ZNF565: variants seen among roughly 807,000 people sequenced by gnomAD.
The protein encoded by ZNF565 is zinc finger protein 565.
Under a neutral mutation model 39.4 loss-of-function variants are expected in ZNF565, and 27 were observed. The observed-to-expected ratio is 0.69, with a 90% CI of 0.51 to 0.95. The LOEUF (loss-of-function observed/expected upper bound fraction) is 0.95. ZNF565 is among the 40% of genes least tolerant of loss of function. ZNF565 has a pLI of 0.00. For synonymous variants in ZNF565, 185 were observed against 216.6 expected (o/e 0.85, Z 1.28); for missense variants, 524 against 621.1 (o/e 0.84, Z 1.66).
rs142385306 is a variant in ZNF565 at position 36,229,047 on chromosome 19, C to T, written c.55+16429G>A. On this transcript the variant is annotated intron_variant, in intron 1 of 4. Coordinates refer to the ZNF565 transcript ENST00000355114. Reference sequence around the variant, plus strand: ...GCCCCTCCTGTTGCTGTTCTGATGTCAGCCTTCCTGCTTCGTCTGTGCCGC... The same window carrying T: ...GCCCCTCCTGTTGCTGTTCTGATGTTAGCCTTCCTGCTTCGTCTGTGCCGC... Among the ~76,000 whole-genome samples the T allele has an allele frequency of 1.2e-3, 182 of 152,360 alleles. 2 individuals are homozygous for T. Among genetic ancestry groups the T allele is most frequent in the Middle Eastern group, 3.4e-3 (1 of 294 alleles).
intron 1 of ZNF565, among the ~76,000 whole-genome samples, chr19:36,231,992 C>T (rs529958189): frequency 1.3e-5 from 2 of 151,842 alleles, no homozygotes; most frequent in Admixed American, 1.3e-4. Flanking sequence ...CACCTGAGGT[C>T]AAGAGTTTGA....
intron 1 of ZNF565, chr19:36,236,412 C>T (rs780219995): frequency 1.9e-6 from 3 of 1,562,330 alleles, no homozygotes; most frequent in Non-Finnish European, 2.6e-6. Context: ...GGAGAGAAAC[C>T]TTGTGAATGT....
Position 36,192,985 on chromosome 19 carries a change from T to A in ZNF565, c.232+1248A>T, listed in dbSNP as rs1355088663. On this transcript the variant is annotated intron_variant, in intron 4 of 4. Coordinates refer to ENST00000304116, the MANE Select transcript of ZNF565 (RefSeq NM_152477.5). ...GCACCCACAACCATGCTCAGCTAAG[T>A]TTTTTGTTTGTTTGTTTGTTTGTTT... Among the ~76,000 whole-genome samples the A allele has an allele frequency of 6.7e-5, 6 of 89,170 alleles. No individual in the cohort carries two copies. The Admixed American group carries it at 7.2e-4, about 11-fold the overall frequency. 58.5% of individuals were successfully genotyped at this position (89,170 alleles called of 152,430 possible).
At chr19:36,205,585 C>G (rs773800245) in intron 1 of ZNF565, among the ~76,000 whole-genome samples, 1 of 152,022 alleles carries the variant, frequency 6.6e-6, no homozygotes, top group Non-Finnish European at 1.5e-5. Context: ...GGAAGGAAAC[C>G]TAAGAATTTA....
intron 1 of ZNF565, chr19:36,238,295 G>T (rs1372142404): frequency 1.2e-5 from 2 of 167,038 alleles, no homozygotes; most frequent in Admixed American, 1.3e-4. Context: ...CTATCTATTG[G>T]TAATGGATGC....
intron 4 of ZNF565, among the ~76,000 whole-genome samples, chr19:36,192,508 A>AAT (rs1473372198): frequency 3.3e-5 from 5 of 151,336 alleles, no homozygotes; most frequent in Non-Finnish European, 7.4e-5. Context: ...TGGAAGGTTG[A>AAT]GGTGGGCAGG....
At chr19:36,225,360 G>T (rs1349930764) in intron 1 of ZNF565, among the ~76,000 whole-genome samples, 1 of 152,096 alleles carries the variant, frequency 6.6e-6, no homozygotes, top group South Asian at 2.1e-4. Context: ...GTTTTCTGTC[G>T]ATTCCCTTCT....
At chr19:36,220,945 C>T (rs1005624620) in intron 1 of ZNF565, among the ~76,000 whole-genome samples, 16 of 151,560 alleles carry the variant, frequency 1.1e-4, no homozygotes, top group Non-Finnish European at 1.5e-5. Flanking sequence ...ATCTGCCTCC[C>T]CAGTTCCAGC....
intron 1 of ZNF565, among the ~76,000 whole-genome samples, chr19:36,207,390 G>A (rs961143096): frequency 6.6e-6 from 1 of 151,978 alleles, no homozygotes; most frequent in Non-Finnish European, 1.5e-5. Flanking sequence ...AAATACAAAA[G>A]TTAGCTGCGT....
chr19:36,195,908 T>C (rs1975742397), intron 2 of ZNF565, among the ~76,000 whole-genome samples: 1 of 148,856 alleles, frequency 6.7e-6, no homozygotes, highest in South Asian at 2.1e-4. Context: ...AGCTAATTTA[T>C]CCAGGAAATA....
Position 36,182,540 on chromosome 19 carries a change from C to T in ZNF565, c.1426G>A (p.Glu476Lys), listed in dbSNP as rs763781269. 5 of 1,611,614 alleles carry T rather than the reference C, an allele frequency of 3.1e-6. No individual in the cohort carries two copies. Among genetic ancestry groups the T allele is most frequent in the East Asian group, 2.2e-5 (1 of 44,888 alleles). Reference sequence around the variant, plus strand: ...AATGCCTGCCCACACTCTCTACATTCGTAAGGTTTGATACCAGGATGAATT... The same window carrying T: ...AATGCCTGCCCACACTCTCTACATTTGTAAGGTTTGATACCAGGATGAATT... ...QRIHPGIKPY[E>K]CRECGQAFIL... The change falls in exon 5 of 5, where the codon GAA becomes AAA. Residue 476 changes from glutamate (E) to lysine (K), a missense_variant. Glu to Lys is a moderately conservative substitution (Grantham distance 56). Coordinates refer to ENST00000304116, the MANE Select transcript of ZNF565 (RefSeq NM_152477.5).
At chr19:36,244,767 C>CT (rs2029880668) in intron 1 of ZNF565, among the ~76,000 whole-genome samples, 1 of 150,350 alleles carries the variant, frequency 6.7e-6, no homozygotes, top group Admixed American at 6.7e-5. Flanking sequence ...AGGAGAATCG[C>CT]TTGAACCCGG....
At chr19:36,201,633 C>A (rs1975967947) in intron 2 of ZNF565, among the ~76,000 whole-genome samples, 1 of 151,988 alleles carries the variant, frequency 6.6e-6, no homozygotes, top group African/African-American at 2.4e-5. Context: ...TGGTACCATG[C>A]CCGGCTAATT....
chr19:36,204,853 G>A (rs908958251), intron 1 of ZNF565, among the ~76,000 whole-genome samples: 1 of 151,998 alleles, frequency 6.6e-6, no homozygotes, highest in African/African-American at 2.4e-5. Flanking sequence ...AGCCAGGCAC[G>A]GTGGTGCGTG....
intron 1 of ZNF565, among the ~76,000 whole-genome samples, chr19:36,225,987 T>C (rs1977051124): frequency 1.3e-5 from 2 of 151,844 alleles, no homozygotes; most frequent in Admixed American, 1.3e-4. Flanking sequence ...TAGGCTGGTC[T>C]TGAACTTCTG....
At chr19:36,216,866 GA>G (rs1568427494), upstream of ZNF565, among the ~76,000 whole-genome samples, 1 of 150,768 alleles carries the variant, frequency 6.6e-6, no homozygotes, top group Non-Finnish European at 1.5e-5. Flanking sequence ...TCACACCTGT[GA>G]GCCAAGGCAG....
chr19:36,190,981 G>C (rs865828240), intron 4 of ZNF565, among the ~76,000 whole-genome samples: 2 of 125,140 alleles, frequency 1.6e-5, no homozygotes, highest in Non-Finnish European at 1.6e-5. Flanking sequence ...GACAGAGTGA[G>C]ACTCTGTCTC....
At chr19:36,190,165 T>C (rs138359108) in intron 4 of ZNF565, among the ~76,000 whole-genome samples, 1 of 152,196 alleles carries the variant, frequency 6.6e-6, no homozygotes, top group Non-Finnish European at 1.5e-5. Context: ...TCAATTAACT[T>C]TGCTAAAAAA....
At chr19:36,244,849 TAAAA>T (rs775546485) in intron 1 of ZNF565, among the ~76,000 whole-genome samples, 1 of 129,234 alleles carries the variant, frequency 7.7e-6, no homozygotes, top group Admixed American at 8.0e-5. Flanking sequence ...GACTACGTCT[TAAAA>T]AAAAAAAAAA....
Sources: gnomAD v4.1 joint callset for allele counts (sites outside exome capture counted in the v4.1 genomes callset) on GRCh38, gnomAD v4.1.1 for gene constraint, MANE v1.5 for transcripts, NCBI Gene and HGNC (gene_info 2026-07-23, HGNC 2026-07-21) for gene names.